The following CDKN2B-AS1 variants were observed in gnomAD, a reference collection of about 807,000 sequenced individuals.
CDKN2B-AS1 encodes CDKN2B and CDKN2A antisense cis and trans regulatory RNA 1, also known as CDKN2B antisense RNA 1 (non-protein coding).
chr9:22,127,121 G>A (rs764696975), exon 5 of CDKN2B-AS1, among the ~76,000 whole-genome samples: 3 of 151,584 alleles, frequency 2.0e-5, no homozygotes, highest in Non-Finnish European at 4.4e-5. Context: ...TCACTCTGTC[G>A]CCCAGGCTGG....
chr9:22,051,496 G>T (rs968597649), intron 3 of CDKN2B-AS1, among the ~76,000 whole-genome samples: 2 of 152,134 alleles, frequency 1.3e-5, no homozygotes, highest in Non-Finnish European at 2.9e-5. Flanking sequence ...AGGTTTTTGT[G>T]AAAGGACTTG....
chr9:22,115,022 G>T (rs1443515964), intron 4 of CDKN2B-AS1, among the ~76,000 whole-genome samples: 3 of 151,978 alleles, frequency 2.0e-5, no homozygotes, highest in Non-Finnish European at 2.9e-5. Flanking sequence ...AAATGTTATT[G>T]TAGTATTTGC....
chr9:22,049,487 G>T (rs1404565722), intron 3 of CDKN2B-AS1, among the ~76,000 whole-genome samples: 1 of 145,824 alleles, frequency 6.9e-6, no homozygotes, highest in Non-Finnish European at 1.5e-5. Flanking sequence ...AGGACTCTCT[G>T]CACACTGCAT....
intron 1 of CDKN2B-AS1, among the ~76,000 whole-genome samples, chr9:22,002,625 A>C (rs1820973421): frequency 6.6e-6 from 1 of 152,050 alleles, no homozygotes; most frequent in Non-Finnish European, 1.5e-5. Flanking sequence ...TCATATGATA[A>C]ATTATTTGGT....
At chr9:22,061,938 T>G (rs895853304) in intron 4 of CDKN2B-AS1, 1 of 152,238 alleles carries the variant, frequency 6.6e-6, no homozygotes. Context: ...ATTATTTTTA[T>G]CCTCATATTA....
intron 4 of CDKN2B-AS1, among the ~76,000 whole-genome samples, chr9:22,081,219 G>T (rs1326439457): frequency 6.6e-6 from 1 of 150,468 alleles, no homozygotes; most frequent in Non-Finnish European, 1.5e-5. Flanking sequence ...GTTTTTATGG[G>T]GTTGTGCCCC....
intron 4 of CDKN2B-AS1, among the ~76,000 whole-genome samples, chr9:22,094,864 A>C (rs1411643033): frequency 6.9e-6 from 1 of 143,896 alleles, no homozygotes; most frequent in Non-Finnish European, 1.5e-5. Context: ...GAGGAGCTGC[A>C]TTCCTTTGGA....
intron 4 of CDKN2B-AS1, among the ~76,000 whole-genome samples, chr9:22,104,100 T>C (rs986214049): frequency 3.9e-5 from 6 of 152,178 alleles, no homozygotes; most frequent in Non-Finnish European, 7.3e-5. Flanking sequence ...ACTAGGGAAA[T>C]ATACATGAGG....
chr9:22,044,614 T>C (rs1303654976), intron 1 of CDKN2B-AS1, among the ~76,000 whole-genome samples: 1 of 152,066 alleles, frequency 6.6e-6, no homozygotes, highest in Non-Finnish European at 1.5e-5. Flanking sequence ...GGTTTTTACC[T>C]GTGAAAGTCA....
At chr9:22,057,580 G>A (rs917718708) in intron 4 of CDKN2B-AS1, among the ~76,000 whole-genome samples, 1 of 151,808 alleles carries the variant, frequency 6.6e-6, no homozygotes, top group African/African-American at 2.4e-5. Flanking sequence ...AGGCCAAGGT[G>A]GGCTGATTGC....
At chr9:22,016,620 A>G (rs1821773018) in intron 1 of CDKN2B-AS1, among the ~76,000 whole-genome samples, 1 of 152,166 alleles carries the variant, frequency 6.6e-6, no homozygotes, top group African/African-American at 2.4e-5. Flanking sequence ...ATGGAACAGA[A>G]CAGAGCCCTC....
chr9:22,098,641 T>G (rs115985635), intron 4 of CDKN2B-AS1, among the ~76,000 whole-genome samples: 1,540 of 152,290 alleles, frequency 0.01, 27 homozygotes, highest in African/African-American at 0.036. Flanking sequence ...ATCAGTTACT[T>G]CAGACACTTT....
In CDKN2B-AS1 at chr9:21,999,180, C is replaced by T. The variant is rs1432718741; in HGVS notation, n.29+4019C>T. The stretch of plus-strand genomic sequence containing the variant: ...AACTTGGTGTAATTGTTTTGAAAGG[C>T]AGCATTACAATATCTAGTCAAAACT... On this transcript the variant is annotated intron_variant and non_coding_transcript_variant, in intron 1 of 4. Coordinates refer to ENST00000650946, the Ensembl canonical transcript of CDKN2B-AS1. The surrounding 1 kb of genome is among the most constrained non-coding windows in gnomAD (Gnocchi z 4.7). Among the ~76,000 whole-genome samples, 1 of 151,960 alleles carries T rather than the reference C, an allele frequency of 6.6e-6. No homozygotes were observed. Among genetic ancestry groups the T allele is most frequent in the East Asian group, 1.9e-4 (1 of 5,188 alleles).
intron 4 of CDKN2B-AS1, among the ~76,000 whole-genome samples, chr9:22,113,002 T>C (rs995759764): frequency 6.6e-6 from 1 of 152,160 alleles, no homozygotes; most frequent in Non-Finnish European, 1.5e-5. Context: ...GTGATAAAAA[T>C]AGTGACGAAG....
intron 4 of CDKN2B-AS1, among the ~76,000 whole-genome samples, chr9:22,071,285 CTTT>C (rs71336509): frequency 2.5e-3 from 168 of 67,502 alleles, no homozygotes; most frequent in African/African-American, 0.011. Flanking sequence ...AAATATCTAG[CTTT>C]TTTTTTTTTT....
Position 21,999,912 on chromosome 9 carries a change from G to T in CDKN2B-AS1, n.29+4751G>T, listed in dbSNP as rs995061581. ...ATGTTTTCCAAATATGCATGCTGGG[G>T]GAGAGATGTTTGCAATTATATGTAC... On this transcript the variant is annotated intron_variant and non_coding_transcript_variant, in intron 1 of 4. Transcript: ENST00000650946. The surrounding 1 kb of genome is among the most constrained non-coding windows in gnomAD (Gnocchi z 4.7). 6.6e-6 allele frequency among the ~76,000 whole-genome samples: 1 copy of T among 152,108 alleles called. No individual in the cohort carries two copies. The highest frequency in any genetic ancestry group is 1.5e-5 in the Non-Finnish European group (1 of 68,004).
intron 4 of CDKN2B-AS1, among the ~76,000 whole-genome samples, chr9:22,067,953 C>A (rs1183170197): frequency 6.6e-6 from 1 of 152,158 alleles, no homozygotes; most frequent in African/African-American, 2.4e-5. Flanking sequence ...ATGCAAATAT[C>A]CTGTTTCATC....
chr9:22,018,306 T>A (rs567994098), intron 1 of CDKN2B-AS1, among the ~76,000 whole-genome samples: 1 of 150,830 alleles, frequency 6.6e-6, no homozygotes, highest in Non-Finnish European at 1.5e-5. Context: ...TTTTTTTTTT[T>A]AATTGTTACT....
intron 4 of CDKN2B-AS1, among the ~76,000 whole-genome samples, chr9:22,098,222 ATATT>A (rs1349915406): frequency 2.0e-5 from 3 of 151,326 alleles, no homozygotes; most frequent in Non-Finnish European, 4.4e-5. Flanking sequence ...ATATATGTGT[ATATT>A]TATATATGTG....
Sources: allele counts gnomAD v4.1 joint callset (sites outside exome capture counted in the v4.1 genomes callset), GRCh38; gene constraint gnomAD v4.1.1; non-coding constraint Gnocchi (gnomAD v3.1); transcripts MANE v1.5; gene names NCBI Gene and HGNC (gene_info 2026-07-23, HGNC 2026-07-21).